MYO1E: variants seen among roughly 807,000 people sequenced by gnomAD.
MYO1E encodes the protein unconventional myosin-Ie.
MYO1E carries 68 observed loss-of-function variants against 151.1 expected under a neutral mutation model. That is an observed-to-expected ratio of 0.45 (90% CI 0.37 to 0.55). MYO1E has a LOEUF of 0.55. MYO1E is among the 20% of genes least tolerant of loss of function. MYO1E has a pLI of 0.00. For missense variants in MYO1E, 1,363 were observed against 1,389.3 expected, an observed-to-expected ratio of 0.98 and a Z score of 0.30; for synonymous variants, 601 against 501.7, an observed-to-expected ratio of 1.20 and a Z score of -2.64.
At chr15:59,207,799 G>GT in intron 14 of MYO1E, 2 of 1,614,180 alleles carry the variant, frequency 1.2e-6, no homozygotes, top group South Asian at 2.2e-5. Context: ...GACTGCAACT[G>GT]CCTATGAGAT....
rs114493017 is a variant in MYO1E, at chr15:59,276,742, C to T, written c.4-4293G>A. On this transcript the variant is annotated intron_variant, in intron 1 of 27. Transcript: ENST00000288235. ...AAGAACTCGGCCTTGAGGCTGGGAA[C>T]CTCAGATGGGTGATTCCCTGACTGA... is the stretch of plus-strand genomic sequence containing the variant. Among the ~76,000 whole-genome samples, 783 of 152,326 alleles carry T rather than the reference C, an allele frequency of 5.1e-3. 6 individuals are homozygous for T. Among genetic ancestry groups the T allele is most frequent in the African/African-American group, 0.018 (737 of 41,570 alleles).
At chr15:59,296,964 C>T (rs375379473) in intron 1 of MYO1E, among the ~76,000 whole-genome samples, 6 of 134,406 alleles carry the variant, frequency 4.5e-5, no homozygotes, top group Admixed American at 3.2e-4. Context: ...CTCAGCCTCC[C>T]GAGTAGGTGG....
chr15:59,302,678 C>T (rs897642888), intron 1 of MYO1E, among the ~76,000 whole-genome samples: 1 of 152,162 alleles, frequency 6.6e-6, no homozygotes, highest in African/African-American at 2.4e-5. Flanking sequence ...CTCCAGAGTC[C>T]ATCTAACACA....
intron 1 of MYO1E, among the ~76,000 whole-genome samples, chr15:59,325,620 A>T (rs2080658751): frequency 6.6e-6 from 1 of 152,218 alleles, no homozygotes; most frequent in South Asian, 2.1e-4. Context: ...GCTTTTTTCC[A>T]TGAAGGAATA....
intron 1 of MYO1E, among the ~76,000 whole-genome samples, chr15:59,330,139 T>C (rs1047853863): frequency 3.9e-5 from 6 of 152,106 alleles, no homozygotes; most frequent in African/African-American, 1.4e-4. Flanking sequence ...GGGGCCACGG[T>C]CAATGAAAAA....
At chr15:59,249,437 A>AG (rs1421471527) in intron 4 of MYO1E, among the ~76,000 whole-genome samples, 5 of 151,334 alleles carry the variant, frequency 3.3e-5, no homozygotes, top group Non-Finnish European at 7.4e-5. Context: ...AAAAAAAAAA[A>AG]AATCCGATTT....
At chr15:59,286,683 G>A (rs1041722519) in intron 1 of MYO1E, among the ~76,000 whole-genome samples, 1 of 152,182 alleles carries the variant, frequency 6.6e-6, no homozygotes, top group African/African-American at 2.4e-5. Context: ...AGCATTCCCT[G>A]AACAACCACT....
rs1185156009 is a variant in MYO1E, at chr15:59,159,788, A to C, written c.2785+1285T>G. ...GATGGCATTTGCTGGTATTGTATTA[A>C]TATGTTAGAGAACATGTTAAGGTGT... On this transcript the variant is annotated intron_variant, in intron 24 of 27. Transcript: ENST00000288235. This position sits in a 1 kb window ranked among gnomAD's most constrained non-coding sequence, Gnocchi z 4.4. Among the ~76,000 whole-genome samples, 2 of 152,358 alleles carry C rather than the reference A, an allele frequency of 1.3e-5. No individual in the cohort carries two copies. The highest frequency in any genetic ancestry group is 6.5e-5 in the Admixed American group (1 of 15,308).
chr15:59,178,928 C>A (rs1486265450), intron 18 of MYO1E, among the ~76,000 whole-genome samples: 1 of 152,182 alleles, frequency 6.6e-6, no homozygotes, highest in Non-Finnish European at 1.5e-5. Flanking sequence ...ACACTTAATG[C>A]AAAGAGTTTT....
Position 59,224,584 on chromosome 15 carries a change from A to G in MYO1E, c.777+105T>C. The stretch of plus-strand genomic sequence containing the variant: ...AGAGTGCTCACAGAGAAAGAGGCGG[A>G]CATTTCATGCAGCTCTTTGCTTTAT... On this transcript the variant is annotated intron_variant, in intron 8 of 27. Transcript: ENST00000288235. The G allele has an allele frequency of 6.8e-6, 10 of 1,467,664 alleles. No individual in the cohort carries two copies. The South Asian group carries it at 1.1e-4, about 17-fold the overall frequency. The allele number at this position is 1,467,664 out of a possible 1,614,324, so 90.9% of individuals were successfully genotyped here. A position where few individuals can be genotyped will look rare whatever the true frequency, so the allele number is the denominator to read the frequency against.
At chr15:59,238,286 G>C (rs945850335) in intron 4 of MYO1E, among the ~76,000 whole-genome samples, 3 of 152,068 alleles carry the variant, frequency 2.0e-5, no homozygotes, top group Non-Finnish European at 4.4e-5. Flanking sequence ...TACACGGTTT[G>C]GCAACAATGA....
chr15:59,168,561 G>GTATA (rs1274622712), intron 22 of MYO1E, among the ~76,000 whole-genome samples: 3 of 151,980 alleles, frequency 2.0e-5, no homozygotes, highest in African/African-American at 7.3e-5. Flanking sequence ...ATAAAAAGTA[G>GTATA]TATAGAATGA....
rs978424868 is a variant in MYO1E at position 59,256,207 on chromosome 15, C to T, written c.332+77G>A. 8.9e-5 allele frequency: 104 copies of T among 1,164,168 alleles called. No individual in the cohort carries two copies. In the African/African-American group the frequency reaches 1.4e-3, roughly 16 times the overall value. The allele number at this position is 1,164,168 out of a possible 1,614,324, so 72.1% of individuals were successfully genotyped here. On this transcript the variant is annotated intron_variant, in intron 4 of 27. Transcript: ENST00000288235. ...GACATCAGTAGCTGTTGCAAAACCA[C>T]TGCTTATCGACCGAAATCCATAACC...
intron 4 of MYO1E, among the ~76,000 whole-genome samples, chr15:59,244,738 C>G (rs2080119774): frequency 6.6e-6 from 1 of 152,204 alleles, no homozygotes; most frequent in Non-Finnish European, 1.5e-5. Flanking sequence ...CTTTGAGACT[C>G]AGTTTCTTGA....
Position 59,204,701 on chromosome 15 carries a change from A to T in MYO1E, c.1616+699T>A, listed in dbSNP as rs116241643. Among the ~76,000 whole-genome samples, 673 of 152,198 alleles carry T rather than the reference A, an allele frequency of 4.4e-3. 4 individuals are homozygous for T. The highest frequency in any genetic ancestry group is 0.015 in the African/African-American group (627 of 41,512). The stretch of plus-strand genomic sequence containing the variant: ...AACAGGGTCTTGGGAGTTAAAATGG[A>T]TCTCTTAGTCACTCCTTCTTTAGTT... On this transcript the variant is annotated intron_variant, in intron 15 of 27. Coordinates refer to ENST00000288235, the MANE Select transcript of MYO1E (RefSeq NM_004998.4).
At chr15:59,247,238 T>C in intron 4 of MYO1E, among the ~76,000 whole-genome samples, 1 of 152,076 alleles carries the variant, frequency 6.6e-6, no homozygotes, top group Non-Finnish European at 1.5e-5. Context: ...GGGGACAGAG[T>C]GAGAGACTTT....
At chr15:59,144,149 CCTTTT>C (rs2079427135) in intron 26 of MYO1E, among the ~76,000 whole-genome samples, 1 of 151,892 alleles carries the variant, frequency 6.6e-6, no homozygotes, top group Non-Finnish European at 1.5e-5. Flanking sequence ...TTTTCTTTTT[CCTTTT>C]ATTTATTTAT....
intron 1 of MYO1E, among the ~76,000 whole-genome samples, chr15:59,341,129 T>A (rs944009264): frequency 2.0e-5 from 3 of 152,210 alleles, no homozygotes; most frequent in Non-Finnish European, 2.9e-5. Context: ...TATGGATATT[T>A]TGATACAGGC....
intron 13 of MYO1E, 98 bp from the exon 14 acceptor site, chr15:59,208,946 C>T: frequency 7.2e-7 from 1 of 1,391,676 alleles, no homozygotes; most frequent in Non-Finnish European, 1.0e-6. Flanking sequence ...GCTCCCCAGA[C>T]TTAAGATACC....
Sources: allele counts gnomAD v4.1 joint callset (sites outside exome capture counted in the v4.1 genomes callset), GRCh38; gene constraint gnomAD v4.1.1; non-coding constraint Gnocchi (gnomAD v3.1); transcripts MANE v1.5; gene names NCBI Gene and HGNC (gene_info 2026-07-23, HGNC 2026-07-21).